The following MAP2 variants were observed in gnomAD, a reference collection of about 807,000 sequenced individuals.
MAP2 encodes the protein microtubule-associated protein 2.
Under a neutral mutation model 137.6 loss-of-function variants are expected in MAP2, and 14 were observed. The observed-to-expected ratio is 0.10, with a 90% CI of 0.07 to 0.16. The LOEUF is 0.16. Among genes scored for constraint, MAP2 ranks in the 10% least tolerant of loss-of-function variants. MAP2 has a pLI of 1.00. For missense variants in MAP2, 2,088 were observed against 2,191.5 expected, an observed-to-expected ratio of 0.95 and a Z score of 0.94; for synonymous variants, 786 against 782.3, an observed-to-expected ratio of 1.00 and a Z score of -0.08.
At chr2:209,580,803 T>G (rs1431970760) in intron 3 of MAP2, among the ~76,000 whole-genome samples, 1 of 152,200 alleles carries the variant, frequency 6.6e-6, no homozygotes, top group Admixed American at 6.5e-5. Context: ...AGCATCAGGA[T>G]ATATATTGAT....
chr2:209,621,037 A>G (rs2090983692), intron 3 of MAP2, among the ~76,000 whole-genome samples: 2 of 151,808 alleles, frequency 1.3e-5, no homozygotes, highest in African/African-American at 2.4e-5. Context: ...TCTACTAGAA[A>G]TACAAAACTT....
At chr2:209,470,651 C>T (rs543782920) in intron 1 of MAP2, among the ~76,000 whole-genome samples, 7 of 152,166 alleles carry the variant, frequency 4.6e-5, no homozygotes, top group Non-Finnish European at 5.9e-5. Context: ...ACAGCCACTG[C>T]CCCTGGCTGT....
intron 1 of MAP2, among the ~76,000 whole-genome samples, chr2:209,464,784 A>T (rs1311199076): frequency 6.6e-6 from 1 of 152,162 alleles, no homozygotes; most frequent in East Asian, 1.9e-4. Context: ...TTTTGAAAAT[A>T]CAATGACATT....
chr2:209,587,313 G>A (rs80132908), intron 3 of MAP2, among the ~76,000 whole-genome samples: 152 of 152,152 alleles, frequency 1.0e-3, no homozygotes, highest in African/African-American at 3.4e-3. Context: ...TAAAAGCCCC[G>A]GGTGACTCTG....
rs549534401 is a variant in MAP2 at position 209,683,788 on chromosome 2, A to G, written c.454+2961A>G. 1.0e-3 allele frequency among the ~76,000 whole-genome samples: 154 copies of G among 152,292 alleles called. 1 individual carries two copies. Among genetic ancestry groups the G allele is most frequent in the African/African-American group, 3.5e-3 (144 of 41,562 alleles). ...AGGGTATAGTGACTGCTGCAGTCTG[A>G]TCCTTTTATACAAATGGAAGAAAGC... On this transcript the variant is annotated intron_variant, in intron 7 of 15. Transcript: ENST00000682079.
chr2:209,664,483 G>A (rs973379965), intron 5 of MAP2, among the ~76,000 whole-genome samples: 4 of 152,176 alleles, frequency 2.6e-5, no homozygotes, highest in African/African-American at 9.7e-5. Flanking sequence ...CCAGGAGGTG[G>A]AGGTTACAGT....
chr2:209,524,272 A>T (rs1368362158), intron 2 of MAP2, among the ~76,000 whole-genome samples: 1 of 152,144 alleles, frequency 6.6e-6, no homozygotes, highest in Non-Finnish European at 1.5e-5. Context: ...ATCTAATTTT[A>T]GAAATATGAT....
rs755556272 is a variant in MAP2, at chr2:209,710,021, C to G, written c.4840C>G (p.Pro1614Ala). Residue 1614 changes from proline (P) to alanine (A), a missense_variant, in exon 13 of 16, where the codon CCA becomes GCA. Pro to Ala is a conservative substitution (Grantham distance 27). Transcript: ENST00000682079. ...CCCACCAAGTTATTCTTCACGCACA[C>G]CAGGCACTCCTGGAACCCCTAGCTA... The part of the protein sequence containing the change: ...GTPPSYSSRT[P>A]GTPGTPSYPR... 1.9e-6 allele frequency: 3 copies of G among 1,613,914 alleles called. No homozygotes were observed. Among genetic ancestry groups the G allele is most frequent in the South Asian group, 2.2e-5 (2 of 91,076 alleles).
At chr2:209,628,884 G>A (rs1463685264) in intron 4 of MAP2, among the ~76,000 whole-genome samples, 1 of 152,180 alleles carries the variant, frequency 6.6e-6, no homozygotes, top group Non-Finnish European at 1.5e-5. Context: ...GGGTTACCAT[G>A]GAACAATGTA....
In MAP2 at chr2:209,433,518, T is replaced by G. The variant is rs183883012; in HGVS notation, c.-222+9242T>G. ...TTTTGACCCTGATAAGGAGTTTGTC[T>G]TTTATTTAACTTGCACTGCACTGTA... On this transcript the variant is annotated intron_variant, in intron 1 of 15. Transcript: ENST00000682079. 5.3e-5 allele frequency among the ~76,000 whole-genome samples: 8 copies of G among 152,224 alleles called. No homozygotes were observed. The East Asian group carries it at 1.5e-3, about 29-fold the overall frequency.
At chr2:209,670,177 C>T (rs193064759) in intron 5 of MAP2, among the ~76,000 whole-genome samples, 3 of 151,928 alleles carry the variant, frequency 2.0e-5, no homozygotes, top group Non-Finnish European at 4.4e-5. Flanking sequence ...CTAGGAATTT[C>T]TCTTTCTCAA....
At chr2:209,640,552 C>CAA (rs5838177) in intron 4 of MAP2, among the ~76,000 whole-genome samples, 17,558 of 136,230 alleles carry the variant, frequency 0.13, 1,894 homozygotes, top group African/African-American at 0.3. Flanking sequence ...CAAAGAAATG[C>CAA]AAAAAAAAAA....
chr2:209,425,970 A>G (rs1692453825), intron 1 of MAP2, among the ~76,000 whole-genome samples: 2 of 152,222 alleles, frequency 1.3e-5, no homozygotes, highest in African/African-American at 4.8e-5. Flanking sequence ...CCCCAGCCCC[A>G]TGCACACAAA....
At chr2:209,720,543 G>A (rs1462762482) in intron 13 of MAP2, among the ~76,000 whole-genome samples, 1 of 151,482 alleles carries the variant, frequency 6.6e-6, no homozygotes, top group East Asian at 1.9e-4. Flanking sequence ...GGAAGCTGAG[G>A]CAGGAGAATG....
intron 2 of MAP2, among the ~76,000 whole-genome samples, chr2:209,541,363 G>A (rs1469913111): frequency 1.3e-5 from 2 of 151,312 alleles, no homozygotes; most frequent in East Asian, 3.9e-4. Context: ...GCAAGTCATA[G>A]TCTTGTTGAT....
chr2:209,435,554 A>T (rs183123704), intron 1 of MAP2, among the ~76,000 whole-genome samples: 17 of 151,902 alleles, frequency 1.1e-4, no homozygotes, highest in African/African-American at 4.1e-4. Context: ...AGATGTCCTT[A>T]GTAAGAGATT....
chr2:209,489,202 A>G (rs963654955), intron 1 of MAP2, among the ~76,000 whole-genome samples: 1 of 152,232 alleles, frequency 6.6e-6, no homozygotes, highest in Non-Finnish European at 1.5e-5. Context: ...GAGGGACCTG[A>G]CTGTCAGAAG....
At chr2:209,459,952 G>A (rs1163450752) in intron 1 of MAP2, among the ~76,000 whole-genome samples, 1 of 152,128 alleles carries the variant, frequency 6.6e-6, no homozygotes, top group Admixed American at 6.5e-5. Flanking sequence ...TTGCACATCA[G>A]CCACAACCTC....
chr2:209,525,712 C>A (rs772701309), intron 2 of MAP2, among the ~76,000 whole-genome samples: 9 of 152,248 alleles, frequency 5.9e-5, no homozygotes, highest in African/African-American at 2.2e-4. Flanking sequence ...TTCAAAATTC[C>A]GCTAAATAAA....
Sources: allele counts gnomAD v4.1 joint callset (sites outside exome capture counted in the v4.1 genomes callset), GRCh38; gene constraint gnomAD v4.1.1; transcripts MANE v1.5; gene names NCBI Gene and HGNC (gene_info 2026-07-23, HGNC 2026-07-21).